ATP1A3: variants seen among roughly 807,000 people sequenced by gnomAD.
ATP1A3 encodes the protein ATPase Na+/K+ transporting subunit alpha 3.
In ATP1A3, 12 loss-of-function variants were observed where a neutral mutation model predicts 108.8. The ratio of observed to expected loss-of-function variants is 0.11; its 90% confidence interval spans 0.07 to 0.18. ATP1A3 has a LOEUF of 0.18. ATP1A3 is among the 10% of genes least tolerant of loss of function. The pLI, the probability that ATP1A3 is intolerant of heterozygous loss-of-function variation, is 1.00. For missense variants in ATP1A3, 498 were observed against 1,387.7 expected, an observed-to-expected ratio of 0.36 and a Z score of 10.19; for synonymous variants, 539 against 564.5, an observed-to-expected ratio of 0.95 and a Z score of 0.64.
At position 41,985,161 on chromosome 19, in the gene ATP1A3, G is replaced by A. The variant is rs1555864916; in HGVS notation, c.750C>T (p.Ala250=). ...VEGTARGVVV[A]TGDRTVMGRI... ...GGCCCATGACAGTGCGGTCGCCCGT[G>A]GCCACCACCACGCCCCGAGCCGTGC... The change falls in exon 8 of 23, where the codon GCC becomes GCT. Residue 250 remains alanine (A), a synonymous_variant. Coordinates refer to ENST00000648268, the MANE Select transcript of ATP1A3 (RefSeq NM_152296.5). The surrounding 1 kb of genome is among the most constrained non-coding windows in gnomAD (Gnocchi z 8.2). 12 of 1,613,182 alleles carry A rather than the reference G, an allele frequency of 7.4e-6. No homozygotes were observed. Among genetic ancestry groups the A allele is most frequent in the Non-Finnish European group, 1.0e-5 (12 of 1,179,508 alleles).
At position 41,988,954 on chromosome 19, in the gene ATP1A3, T is replaced by C. The variant is rs1233482575; in HGVS notation, c.7-392A>G. 6.6e-6 allele frequency among the ~76,000 whole-genome samples: 1 copy of C among 152,194 alleles called. No homozygotes were observed. The highest frequency in any genetic ancestry group is 2.4e-5 in the African/African-American group (1 of 41,450). ...GTTCTGTGTCTATGTGACTTTGTTTTCGTTTTTTGAAACAATGTCTCACTC... is the reference window on the plus strand; with the variant it reads ...GTTCTGTGTCTATGTGACTTTGTTTCCGTTTTTTGAAACAATGTCTCACTC... On this transcript the variant is annotated intron_variant, in intron 1 of 22. Coordinates refer to ENST00000648268, the MANE Select transcript of ATP1A3 (RefSeq NM_152296.5). The surrounding 1 kb of genome is among the most constrained non-coding windows in gnomAD (Gnocchi z 5.3).
At position 41,978,502 on chromosome 19, in the gene ATP1A3, T is replaced by C; in HGVS notation, c.1630+104A>G. The C allele has an allele frequency of 6.6e-7, 1 of 1,526,098 alleles. No homozygotes were observed. Among genetic ancestry groups the C allele is most frequent in the Non-Finnish European group, 9.0e-7 (1 of 1,113,882 alleles). The allele number at this position is 1,526,098 out of a possible 1,614,324, so 94.5% of individuals were successfully genotyped here. ...ATCCATTCATTCATTCATTCATTCA[T>C]TTACAGTATATTCTGGGAGGCCCTG... On this transcript the variant is annotated intron_variant, in intron 12 of 22. Transcript: ENST00000648268. This position sits in a 1 kb window ranked among gnomAD's most constrained non-coding sequence, Gnocchi z 8.3.
Position 41,969,366 on chromosome 19 carries a change from T to G in ATP1A3, c.2688+69A>C, listed in dbSNP as rs992860108. 2.5e-6 allele frequency: 4 copies of G among 1,611,028 alleles called. No homozygotes were observed. In the African/African-American group the frequency reaches 4.0e-5, roughly 16 times the overall value. ...AGGGGGCCATCGTAGGAAGTGGCCA[T>G]GCATGGCTGGAACAGCTCACCCCGG... On this transcript the variant is annotated intron_variant, in intron 19 of 22. Transcript: ENST00000648268.
At position 41,967,251 on chromosome 19, in the gene ATP1A3, C is replaced by A. The variant is rs782204932; in HGVS notation, c.3011G>T (p.Gly1004Val). The A allele has an allele frequency of 5.6e-6, 9 of 1,613,950 alleles. No individual in the cohort carries two copies. The highest frequency in any genetic ancestry group is 4.0e-5 in the African/African-American group (3 of 74,926). The part of the protein sequence containing the change: ...IRKLILRRNP[G>V]GWVEKETYY The stretch of plus-strand genomic sequence containing the variant: ...GCTGCCTTGCCGAGCTCCCTCACCC[C>A]CTGGGTTCCTGCGCAGGATGAGTTT... Residue 1004 changes from glycine (G) to valine (V), a missense_variant and splice_region_variant, in exon 22 of 23, where the codon GGG (glycine) becomes GTG (valine). Physicochemically the swap from Gly to Val is moderately radical, Grantham distance 109. Coordinates refer to ENST00000648268, the MANE Select transcript of ATP1A3 (RefSeq NM_152296.5). This position sits in a 1 kb window ranked among gnomAD's most constrained non-coding sequence, Gnocchi z 4.2.
In ATP1A3 at chr19:41,966,810, TG is replaced by T; in HGVS notation, c.*126del. 3.9e-6 allele frequency: 3 copies of T among 773,284 alleles called. No homozygotes were observed. The African/African-American group carries it at 1.0e-4, about 26-fold the overall frequency. 47.9% of individuals were successfully genotyped at this position (773,284 alleles called of 1,614,324 possible). A position where few individuals can be genotyped will look rare whatever the true frequency, so the allele number is the denominator to read the frequency against. ...GGGCGGCAGGAGATAGTGGAGGGGG[TG>T]GGGGCCAAGGTGGGGCCACAGGAAG... On this transcript the variant is annotated 3_prime_UTR_variant, in exon 23 of 23. Coordinates refer to ENST00000648268, the MANE Select transcript of ATP1A3 (RefSeq NM_152296.5).
At position 41,981,240 on chromosome 19, in the gene ATP1A3, C is replaced by G. The variant is rs995371552; in HGVS notation, c.1437+262G>C. Among the ~76,000 whole-genome samples, 7 of 151,864 alleles carry G rather than the reference C, an allele frequency of 4.6e-5. No individual in the cohort carries two copies. Among genetic ancestry groups the G allele is most frequent in the Non-Finnish European group, 7.4e-5 (5 of 68,002 alleles). ...TCTCGAACTCCTGGCCTCAAGTGAT[C>G]CCCCCACCTCAGCCTCCCAAAGTTC... On this transcript the variant is annotated intron_variant, in intron 11 of 22. Transcript: ENST00000648268. The surrounding 1 kb of genome is among the most constrained non-coding windows in gnomAD (Gnocchi z 5.0).
intron 11 of ATP1A3, among the ~76,000 whole-genome samples, chr19:41,979,534 T>C (rs1162440487): frequency 6.6e-6 from 1 of 152,102 alleles, no homozygotes; most frequent in African/African-American, 2.4e-5. Context: ...CTCCATCTCC[T>C]GAGTTCAAGC....
chr19:41,974,937 C>A (rs2075149926), intron 16 of ATP1A3, among the ~76,000 whole-genome samples: 1 of 152,228 alleles, frequency 6.6e-6, no homozygotes, highest in Non-Finnish European at 1.5e-5. Context: ...CACAGCATGG[C>A]CCCTGACTTG....
intron 8 of ATP1A3, among the ~76,000 whole-genome samples, chr19:41,983,405 T>G (rs1158543966): frequency 6.6e-6 from 1 of 151,700 alleles, no homozygotes; most frequent in Non-Finnish European, 1.5e-5. Context: ...ACATAAAACA[T>G]TAAGTCAAAG....
intron 16 of ATP1A3, among the ~76,000 whole-genome samples, chr19:41,972,798 AGGAAGG>A (rs1205739806): frequency 9.0e-5 from 12 of 133,382 alleles, no homozygotes; most frequent in African/African-American, 3.4e-4. Flanking sequence ...GAAGGAAGGA[AGGAAGG>A]GGAAGGAAGG....
In ATP1A3 at chr19:41,985,795, G is replaced by A. The variant is rs1555865207; in HGVS notation, c.606+69C>T. ...GACCTGGACTCCTGAGTGTGAGGGA[G>A]GAGGGGCTGGGCCTGAGCTCCTGGG... On this transcript the variant is annotated intron_variant, in intron 6 of 22. Transcript: ENST00000648268. This position sits in a 1 kb window ranked among gnomAD's most constrained non-coding sequence, Gnocchi z 8.2. 46 of 1,598,062 alleles carry A rather than the reference G, an allele frequency of 2.9e-5. No homozygotes were observed. The highest frequency in any genetic ancestry group is 1.7e-6 in the Non-Finnish European group (2 of 1,173,756).
At chr19:41,984,305 A>C (rs961819197) in intron 8 of ATP1A3, 1 of 152,666 alleles carries the variant, frequency 6.6e-6, no homozygotes, top group Non-Finnish European at 1.5e-5. Flanking sequence ...GGCTCACTGC[A>C]ACCTCCGCCT....
chr19:41,972,124 C>T (rs1160030170), intron 16 of ATP1A3, among the ~76,000 whole-genome samples: 1 of 152,020 alleles, frequency 6.6e-6, no homozygotes, highest in Non-Finnish European at 1.5e-5. Context: ...GTGGTGGGCA[C>T]CTGTAACCCC....
rs199858430 is a variant in ATP1A3 at position 41,970,570 on chromosome 19, C to A, written c.2264-28G>T. The A allele has an allele frequency of 7.4e-6, 12 of 1,610,850 alleles. No individual in the cohort carries two copies. The South Asian group carries it at 1.2e-4, about 16-fold the overall frequency. On this transcript the variant is annotated intron_variant, in intron 16 of 22. Transcript: ENST00000648268. ...GTGGCACAGGCAGGCTCAGAGCAGG[C>A]GCCCATGCCAGGGAGCCCCACTCCC...
chr19:41,990,262 A>ACT (rs781951180), intron 1 of ATP1A3, among the ~76,000 whole-genome samples: 40 of 126,396 alleles, frequency 3.2e-4, no homozygotes, highest in South Asian at 7.6e-4. Context: ...TCTCTCTCCC[A>ACT]CTCTCTCTCT....
chr19:41,981,428 C>G lies in ATP1A3; in HGVS notation c.1437+74G>C. 1 of 1,609,150 alleles carries G rather than the reference C, an allele frequency of 6.2e-7. No individual in the cohort carries two copies. The highest frequency in any genetic ancestry group is 1.7e-5 in the Admixed American group (1 of 60,004). On this transcript the variant is annotated intron_variant, in intron 11 of 22. Transcript: ENST00000648268. The surrounding 1 kb of genome is among the most constrained non-coding windows in gnomAD (Gnocchi z 5.0). ...CATTTTACAGACGGGAAAATCAAGG[C>G]TCTATGACACCTCTTTACAGGCGTC...
At position 41,988,167 on chromosome 19, in the gene ATP1A3, C is replaced by G. The variant is rs782687103; in HGVS notation, c.154-28G>C. On this transcript the variant is annotated intron_variant, in intron 3 of 22. Transcript: ENST00000648268. The surrounding 1 kb of genome is among the most constrained non-coding windows in gnomAD (Gnocchi z 5.3). ...GAGGGACAGAGGACTCACACAGAAC[C>G]CTCCCTGGGCAACCCTGGCACCCCA... The G allele has an allele frequency of 3.7e-6, 6 of 1,614,044 alleles. No homozygotes were observed. The highest frequency in any genetic ancestry group is 5.1e-6 in the Non-Finnish European group (6 of 1,179,948).
chr19:41,984,849 C>T (rs1227538170), intron 8 of ATP1A3, 69 bp downstream of exon 8: 30 of 1,535,360 alleles, frequency 2.0e-5, no homozygotes, highest in African/African-American at 2.7e-5. Context: ...ATCCCAGCCC[C>T]TCCTCCCTCA....
chr19:41,982,187 C>T (rs2075240033), intron 8 of ATP1A3, 81 bp from the exon 9 acceptor site: 1 of 1,609,170 alleles, frequency 6.2e-7, no homozygotes. Flanking sequence ...GGCCACAGCC[C>T]AGCTGCCCAG....
Sources: gnomAD v4.1 joint callset for allele counts (sites outside exome capture counted in the v4.1 genomes callset) on GRCh38, gnomAD v4.1.1 for gene constraint, Gnocchi (gnomAD v3.1) non-coding constraint, MANE v1.5 for transcripts, NCBI Gene and HGNC (gene_info 2026-07-23, HGNC 2026-07-21) for gene names.